DTNB: variants seen among roughly 807,000 people sequenced by gnomAD.
DTNB encodes the protein dystrobrevin beta, also known as DTN-B.
In DTNB, 63 loss-of-function variants were observed where a neutral mutation model predicts 90.7. The observed-to-expected ratio is 0.69, with a 90% confidence interval of 0.57 to 0.86. The LOEUF is 0.86. DTNB is among the 40% of genes least tolerant of loss of function. DTNB has a pLI of 0.00. For missense variants in DTNB, 744 were observed against 807.1 expected (o/e 0.92, Z 0.95); for synonymous variants, 277 against 286.7 (o/e 0.97, Z 0.34).
intron 6 of DTNB, among the ~76,000 whole-genome samples, chr2:25,593,703 T>C (rs1053958315): frequency 2.6e-5 from 4 of 152,222 alleles, no homozygotes; most frequent in African/African-American, 9.6e-5. Context: ...GATAGCATTC[T>C]TAGAATTAAC....
intron 16 of DTNB, among the ~76,000 whole-genome samples, chr2:25,409,817 C>T (rs1217330370): frequency 1.3e-5 from 2 of 152,140 alleles, no homozygotes; most frequent in Non-Finnish European, 2.9e-5. Flanking sequence ...TGGTTTCAAT[C>T]CTCATTTTGT....
intron 10 of DTNB, among the ~76,000 whole-genome samples, chr2:25,475,484 A>G (rs1325532429): frequency 6.6e-6 from 1 of 152,252 alleles, no homozygotes; most frequent in Admixed American, 6.5e-5. Context: ...AACCATCTCC[A>G]TAACATGCAG....
At chr2:25,634,412 C>G (rs557369769) in intron 3 of DTNB, among the ~76,000 whole-genome samples, 1 of 148,782 alleles carries the variant, frequency 6.7e-6, no homozygotes, top group Non-Finnish European at 1.5e-5. Context: ...CCCGGCCACC[C>G]GCCCCGTCCG....
At chr2:25,490,345 C>T (rs1207155555) in intron 9 of DTNB, among the ~76,000 whole-genome samples, 1 of 152,010 alleles carries the variant, frequency 6.6e-6, no homozygotes, top group Non-Finnish European at 1.5e-5. Flanking sequence ...AAAGGCAATC[C>T]TTAAGAGTGG....
intron 16 of DTNB, among the ~76,000 whole-genome samples, chr2:25,398,360 T>C (rs913069408): frequency 2.0e-5 from 3 of 152,218 alleles, no homozygotes; most frequent in Non-Finnish European, 4.4e-5. Flanking sequence ...TATTTCTCCA[T>C]GGGTCTTATG....
At chr2:25,470,277 A>G (rs2062548742) in intron 10 of DTNB, among the ~76,000 whole-genome samples, 1 of 152,150 alleles carries the variant, frequency 6.6e-6, no homozygotes, top group Non-Finnish European at 1.5e-5. Context: ...CAGAATAATC[A>G]GTGACTTTAG....
At position 25,663,167 on chromosome 2, in the gene DTNB, G is replaced by A. The variant is rs904966290; in HGVS notation, c.-2+10219C>T. Among the ~76,000 whole-genome samples, 5 of 151,882 alleles carry A rather than the reference G, an allele frequency of 3.3e-5. No individual in the cohort carries two copies. The East Asian group carries it at 7.8e-4, about 24-fold the overall frequency. On this transcript the variant is annotated intron_variant, in intron 1 of 20. Transcript: ENST00000406818. ...TATGAGTGAGAACATGCGGTATTCT[G>A]TTTTCTGTTCCTGTGTTGGTCTGCT... is the stretch of plus-strand genomic sequence containing the variant.
chr2:25,408,414 C>T (rs1417962177), intron 16 of DTNB, among the ~76,000 whole-genome samples: 1 of 151,706 alleles, frequency 6.6e-6, no homozygotes, highest in East Asian at 1.9e-4. Context: ...TGACGTGCAC[C>T]TGTAGTCCCA....
chr2:25,407,123 C>T (rs920778089), intron 16 of DTNB, among the ~76,000 whole-genome samples: 1 of 152,146 alleles, frequency 6.6e-6, no homozygotes, highest in Non-Finnish European at 1.5e-5. Context: ...AATGACATGA[C>T]ATTTCTCAAA....
intron 12 of DTNB, among the ~76,000 whole-genome samples, chr2:25,447,847 T>C (rs529752375): frequency 5.9e-5 from 9 of 152,164 alleles, no homozygotes; most frequent in African/African-American, 1.9e-4. Context: ...AAGGGTATAA[T>C]GCTTCAAGGG....
At chr2:25,493,630 A>G (rs1202190307) in intron 9 of DTNB, among the ~76,000 whole-genome samples, 1 of 152,192 alleles carries the variant, frequency 6.6e-6, no homozygotes, top group Non-Finnish European at 1.5e-5. Flanking sequence ...TATCAGAAAA[A>G]CAGCTCCTGA....
Position 25,476,223 on chromosome 2 carries a change from C to T in DTNB, c.1079+6573G>A, listed in dbSNP as rs902169615. Among the ~76,000 whole-genome samples the T allele has an allele frequency of 6.6e-5, 10 of 152,236 alleles. No individual in the cohort carries two copies. The South Asian group carries it at 1.7e-3, about 25-fold the overall frequency. On this transcript the variant is annotated intron_variant, in intron 10 of 20. Coordinates refer to ENST00000406818, the MANE Select transcript of DTNB (RefSeq NM_021907.5). ...GGCTGGGATTACAGGCAGGTGCCACCATGCCAAGCTAATTTTTGTAGTTTT... is the reference window on the plus strand; with the variant it reads ...GGCTGGGATTACAGGCAGGTGCCACTATGCCAAGCTAATTTTTGTAGTTTT...
intron 10 of DTNB, among the ~76,000 whole-genome samples, chr2:25,457,119 C>T (rs1305036964): frequency 6.6e-6 from 1 of 152,142 alleles, no homozygotes; most frequent in African/African-American, 2.4e-5. Flanking sequence ...AAGTGATTCT[C>T]CTGCCTCAGT....
At chr2:25,430,393 G>C (rs2053461944) in intron 14 of DTNB, among the ~76,000 whole-genome samples, 1 of 152,054 alleles carries the variant, frequency 6.6e-6, no homozygotes. Context: ...TTCTTCCTCT[G>C]AACTCCTGAG....
At chr2:25,652,861 T>C in intron 1 of DTNB, 200 bp from the exon 2 acceptor site, 2 of 502,000 alleles carry the variant, frequency 4.0e-6, no homozygotes, top group Non-Finnish European at 7.0e-6. Flanking sequence ...AAAATATTAG[T>C]AAATCAATAC....
At chr2:25,643,315 A>G (rs906800661) in intron 2 of DTNB, among the ~76,000 whole-genome samples, 3 of 152,134 alleles carry the variant, frequency 2.0e-5, no homozygotes, top group Non-Finnish European at 2.9e-5. Flanking sequence ...TCTGAACCCC[A>G]GTGCTTCCCC....
At chr2:25,419,263 T>C (rs1388156262) in intron 16 of DTNB, 5 of 586,232 alleles carry the variant, frequency 8.5e-6, no homozygotes, top group East Asian at 2.8e-5. Context: ...TGGCTAATCA[T>C]GCACACTTCA....
chr2:25,670,068 T>C (rs1427537191), intron 1 of DTNB, among the ~76,000 whole-genome samples: 1 of 152,164 alleles, frequency 6.6e-6, no homozygotes, highest in Non-Finnish European at 1.5e-5. Flanking sequence ...CGGTCCTTAA[T>C]GAGAATACTA....
intron 9 of DTNB, 80 bp from the exon 10 acceptor site, chr2:25,482,953 G>A: frequency 1.4e-6 from 2 of 1,382,090 alleles, no homozygotes; most frequent in South Asian, 1.4e-5. Context: ...CATGGTAAGA[G>A]CAAAGGGACC....
Sources: allele counts gnomAD v4.1 joint callset (sites outside exome capture counted in the v4.1 genomes callset), GRCh38; gene constraint gnomAD v4.1.1; transcripts MANE v1.5; gene names NCBI Gene and HGNC (gene_info 2026-07-23, HGNC 2026-07-21).